Variants in SLIT3 observed in about 807,000 individuals in gnomAD.
The protein encoded by SLIT3 is slit homolog 3 protein.
SLIT3 carries 68 observed loss-of-function variants against 184.0 expected under a neutral mutation model. The ratio of observed to expected loss-of-function variants is 0.37; its 90% CI spans 0.30 to 0.45. The LOEUF is 0.45. Among genes scored for constraint, SLIT3 ranks in the 20% least tolerant of loss-of-function variants. The pLI, the probability that SLIT3 is intolerant of heterozygous loss-of-function variation, is 1.00. For synonymous variants in SLIT3, 831 were observed against 828.6 expected, an observed-to-expected ratio of 1.00 and a Z score of -0.05; for missense variants, 1,707 against 2,026.0, an observed-to-expected ratio of 0.84 and a Z score of 3.02.
intron 4 of SLIT3, among the ~76,000 whole-genome samples, chr5:169,028,056 C>T (rs1475735711): frequency 6.6e-6 from 1 of 152,072 alleles, no homozygotes. Flanking sequence ...TGGTCAGAAA[C>T]TACGATAAGA....
intron 4 of SLIT3, among the ~76,000 whole-genome samples, chr5:168,921,480 T>TAC (rs1761633024): frequency 6.6e-6 from 1 of 152,204 alleles, no homozygotes; most frequent in African/African-American, 2.4e-5. Context: ...AAGGGTGATA[T>TAC]ACATCATTGC....
intron 27 of SLIT3, among the ~76,000 whole-genome samples, chr5:168,697,573 G>C (rs575738223): frequency 1.2e-4 from 19 of 152,322 alleles, no homozygotes; most frequent in African/African-American, 4.6e-4. Context: ...TCAGGTTTCA[G>C]AGATTGCTCT....
chr5:168,668,980 G>T (rs1761146142), intron 35 of SLIT3, among the ~76,000 whole-genome samples: 1 of 152,210 alleles, frequency 6.6e-6, no homozygotes, highest in Non-Finnish European at 1.5e-5. Context: ...TGTTGGCCAG[G>T]ATAGTCAAGG....
chr5:169,163,720 T>A (rs951847664), intron 4 of SLIT3, among the ~76,000 whole-genome samples: 1 of 152,142 alleles, frequency 6.6e-6, no homozygotes, highest in Non-Finnish European at 1.5e-5. Flanking sequence ...GGATATTTTA[T>A]CATTGCAGAG....
rs76764982 is a variant in SLIT3 at position 168,757,319 on chromosome 5, G to T, written c.1686-3312C>A. Reference sequence around the variant, plus strand: ...GCGCAGGGTAAAGTGTTTAATTTGTGCTCACTGCTAGCTATTATTATTTTT... The same window carrying T: ...GCGCAGGGTAAAGTGTTTAATTTGTTCTCACTGCTAGCTATTATTATTTTT... On this transcript the variant is annotated intron_variant, in intron 16 of 35. Transcript: ENST00000519560. Among the ~76,000 whole-genome samples, 517 of 152,320 alleles carry T rather than the reference G, an allele frequency of 3.4e-3. 1 individual carries two copies. Among genetic ancestry groups the T allele is most frequent in the African/African-American group, 0.012 (503 of 41,560 alleles).
intron 9 of SLIT3, among the ~76,000 whole-genome samples, chr5:168,805,401 T>C (rs1476950227): frequency 6.6e-6 from 1 of 152,102 alleles, no homozygotes; most frequent in African/African-American, 2.4e-5. Context: ...GGAATATGTA[T>C]CTTTTATTTG....
intron 4 of SLIT3, among the ~76,000 whole-genome samples, chr5:169,094,204 T>C (rs1241129908): frequency 6.6e-6 from 1 of 152,210 alleles, no homozygotes; most frequent in Non-Finnish European, 1.5e-5. Context: ...ATTTGTAAGA[T>C]CCCAATGAGG....
chr5:169,290,548 C>A (rs568971316), intron 1 of SLIT3, among the ~76,000 whole-genome samples: 3 of 150,732 alleles, frequency 2.0e-5, no homozygotes, highest in Non-Finnish European at 4.4e-5. Flanking sequence ...CATACTAGGG[C>A]ATACGCTAGG....
At chr5:168,992,527 C>A (rs777070299) in intron 4 of SLIT3, among the ~76,000 whole-genome samples, 2 of 152,226 alleles carry the variant, frequency 1.3e-5, no homozygotes, top group Non-Finnish European at 2.9e-5. Flanking sequence ...CAAGGGTCTT[C>A]AAACTCTTTT....
At chr5:168,987,543 G>A (rs1365001321) in intron 4 of SLIT3, among the ~76,000 whole-genome samples, 1 of 152,194 alleles carries the variant, frequency 6.6e-6, no homozygotes, top group Admixed American at 6.5e-5. Flanking sequence ...GGGTTGTTAA[G>A]CACACTATAG....
intron 29 of SLIT3, among the ~76,000 whole-genome samples, chr5:168,690,957 C>G (rs1187352419): frequency 6.6e-6 from 1 of 152,200 alleles, no homozygotes; most frequent in Non-Finnish European, 1.5e-5. Flanking sequence ...TTCCTTCTCT[C>G]AACCCATCCA....
At chr5:168,834,261 A>G (rs550879631) in intron 6 of SLIT3, among the ~76,000 whole-genome samples, 3 of 152,098 alleles carry the variant, frequency 2.0e-5, no homozygotes, top group Non-Finnish European at 2.9e-5. Context: ...AGGCTGTGAG[A>G]AGCAAATAAT....
intron 24 of SLIT3, 97 bp downstream of exon 24, chr5:168,712,186 G>A (rs1260413968): frequency 1.2e-5 from 12 of 1,034,848 alleles, no homozygotes; most frequent in Non-Finnish European, 1.7e-5. Context: ...CATAAGGAAA[G>A]GACATCTGCC....
chr5:168,746,791 TGGTGTGGGTGTGGC>T (rs1160296619), intron 20 of SLIT3, among the ~76,000 whole-genome samples: 8 of 49,226 alleles, frequency 1.6e-4, no homozygotes, highest in African/African-American at 6.4e-4. Flanking sequence ...GTGAGTGTGG[TGGTGTGGGTGTGGC>T]GGTGTGTGGT....
chr5:169,081,474 G>A (rs369494324), intron 4 of SLIT3, among the ~76,000 whole-genome samples: 12 of 152,240 alleles, frequency 7.9e-5, no homozygotes, highest in African/African-American at 2.9e-4. Flanking sequence ...TGCTGACAAG[G>A]GTCCCCAAAT....
intron 8 of SLIT3, among the ~76,000 whole-genome samples, chr5:168,815,736 G>A (rs1407215373): frequency 1.3e-5 from 2 of 152,194 alleles, no homozygotes; most frequent in African/African-American, 4.8e-5. Flanking sequence ...TTGAATTCAA[G>A]GAAAATTCTT....
chr5:168,903,415 A>G (rs559397715), intron 4 of SLIT3, among the ~76,000 whole-genome samples: 3 of 152,190 alleles, frequency 2.0e-5, no homozygotes, highest in African/African-American at 7.2e-5. Context: ...GATGAGTTAT[A>G]AACCTCTCAG....
chr5:169,059,607 C>T lies in SLIT3; in HGVS notation c.413+133872G>A, dbSNP rs368229065. Among the ~76,000 whole-genome samples, 3 of 152,306 alleles carry T rather than the reference C, an allele frequency of 2.0e-5. No individual in the cohort carries two copies. In the East Asian group the frequency reaches 5.8e-4, roughly 29 times the overall value. ...CCACACATGTAATTAGCATGCCCAGCACAACATTAAAAACAAATTTTTAAA... is the reference window on the plus strand; with the variant it reads ...CCACACATGTAATTAGCATGCCCAGTACAACATTAAAAACAAATTTTTAAA... On this transcript the variant is annotated intron_variant, in intron 4 of 35. Coordinates refer to ENST00000519560, the MANE Select transcript of SLIT3 (RefSeq NM_003062.4).
chr5:168,900,953 G>A (rs536209254), intron 4 of SLIT3, among the ~76,000 whole-genome samples: 8 of 152,334 alleles, frequency 5.3e-5, no homozygotes, highest in East Asian at 1.9e-4. Flanking sequence ...CCTCAGAAGC[G>A]TGAGGGGTAG....
Sources: gnomAD v4.1 joint callset for allele counts (sites outside exome capture counted in the v4.1 genomes callset) on GRCh38, gnomAD v4.1.1 for gene constraint, MANE v1.5 for transcripts, NCBI Gene and HGNC (gene_info 2026-07-23, HGNC 2026-07-21) for gene names.